The following CACNA2D4 variants were observed in gnomAD, a reference collection of about 807,000 sequenced individuals.
CACNA2D4 encodes voltage-dependent calcium channel subunit alpha-2/delta-4.
In CACNA2D4, 157 loss-of-function variants were observed where a neutral mutation model predicts 163.8. The observed-to-expected ratio is 0.96, with a 90% CI of 0.84 to 1.09. The LOEUF is 1.09. CACNA2D4 is among the 50% of genes least tolerant of loss of function. The probability of loss-of-function intolerance (pLI) is 0.00; values close to 1 mark genes in which losing one functional copy is unlikely to be tolerated. For missense variants in CACNA2D4, 1,410 were observed against 1,479.9 expected (o/e 0.95, Z 0.78); for synonymous variants, 598 against 586.9 (o/e 1.02, Z -0.27).
Position 1,828,181 on chromosome 12 carries a change from G to A in CACNA2D4, c.2551+12558C>T, listed in dbSNP as rs201807626. On this transcript the variant is annotated intron_variant, in intron 26 of 37. Coordinates refer to ENST00000382722, the MANE Select transcript of CACNA2D4 (RefSeq NM_172364.5). This position sits in a 1 kb window ranked among gnomAD's most constrained non-coding sequence, Gnocchi z 4.2. Reference sequence around the variant, plus strand: ...CGCCGGGCAGCAGCCCTGGGCAGAGGGGCAGGCTCGCCCTGCAGTGGAGGC... The same window carrying A: ...CGCCGGGCAGCAGCCCTGGGCAGAGAGGCAGGCTCGCCCTGCAGTGGAGGC... 163 of 1,547,288 alleles carry A rather than the reference G, an allele frequency of 1.1e-4. No individual in the cohort carries two copies. Among genetic ancestry groups the A allele is most frequent in the Middle Eastern group, 1.7e-4 (1 of 5,742 alleles).
intron 11 of CACNA2D4, 149 bp downstream of exon 11, chr12:1,884,619 C>T (rs1463440436): frequency 7.8e-6 from 5 of 644,430 alleles, no homozygotes; most frequent in Non-Finnish European, 1.4e-5. Flanking sequence ...AATTTTGGAA[C>T]ACTCAATTAA....
chr12:1,864,823 G>A (rs1865608026), intron 18 of CACNA2D4, among the ~76,000 whole-genome samples: 1 of 152,228 alleles, frequency 6.6e-6, no homozygotes, highest in South Asian at 2.1e-4. Flanking sequence ...ATGGCTGCCC[G>A]CAATGCTCGC....
At chr12:1,909,570 A>G (rs910828626) in intron 4 of CACNA2D4, among the ~76,000 whole-genome samples, 14 of 152,096 alleles carry the variant, frequency 9.2e-5, no homozygotes, top group Admixed American at 3.9e-4. Flanking sequence ...TAAATCCCCC[A>G]TGAGCCCTGG....
intron 29 of CACNA2D4, among the ~76,000 whole-genome samples, chr12:1,803,796 G>A (rs1181803787): frequency 6.6e-6 from 1 of 152,168 alleles, no homozygotes; most frequent in Non-Finnish European, 1.5e-5. Flanking sequence ...AAATGGACAC[G>A]AATCAAGAGC....
intron 26 of CACNA2D4, among the ~76,000 whole-genome samples, chr12:1,840,443 G>GC (rs921984126): frequency 2.0e-3 from 15 of 7,638 alleles, no homozygotes; most frequent in East Asian, 0.33. Flanking sequence ...ATGTGGAAGA[G>GC]GGGGGTGGGT....
chr12:1,826,009 C>T (rs1015230425), intron 26 of CACNA2D4, among the ~76,000 whole-genome samples: 2 of 152,182 alleles, frequency 1.3e-5, no homozygotes, highest in South Asian at 2.1e-4. Flanking sequence ...GGCAGGCCTG[C>T]GAGGGCCGTA....
chr12:1,872,306 G>T (rs1177533098), intron 18 of CACNA2D4, among the ~76,000 whole-genome samples: 1 of 152,166 alleles, frequency 6.6e-6, no homozygotes, highest in African/African-American at 2.4e-5. Context: ...ATACAAGTTT[G>T]GCCCCATAGG....
intron 6 of CACNA2D4, among the ~76,000 whole-genome samples, chr12:1,905,309 A>T (rs1330225966): frequency 1.3e-5 from 2 of 152,138 alleles, no homozygotes; most frequent in Non-Finnish European, 2.9e-5. Context: ...CAAGACCAGG[A>T]TGTCCACTTT....
chr12:1,915,370 G>A, intron 1 of CACNA2D4: 2 of 645,122 alleles, frequency 3.1e-6, no homozygotes, highest in African/African-American at 1.8e-5. Context: ...AGCTTCCAGG[G>A]CCTCTGGTTG....
rs959947105 is a variant in CACNA2D4, at chr12:1,806,752, G to T, written c.2721+3526C>A. Among the ~76,000 whole-genome samples the T allele has an allele frequency of 6.6e-6, 1 of 152,176 alleles. No homozygotes were observed. The highest frequency in any genetic ancestry group is 2.4e-5 in the African/African-American group (1 of 41,452). ...GACTGCCAGACCCCAACCCCAGAGT[G>T]CTTGAGTCCCTAGGTCTGGGGTGGG... On this transcript the variant is annotated intron_variant, in intron 29 of 37. Coordinates refer to ENST00000382722, the MANE Select transcript of CACNA2D4 (RefSeq NM_172364.5). The surrounding 1 kb of genome is among the most constrained non-coding windows in gnomAD (Gnocchi z 4.1).
At chr12:1,913,353 G>T (rs1199161836) in intron 2 of CACNA2D4, among the ~76,000 whole-genome samples, 1 of 152,170 alleles carries the variant, frequency 6.6e-6, no homozygotes, top group Non-Finnish European at 1.5e-5. Flanking sequence ...TGTTCCAGGT[G>T]CTCTAGACGC....
At position 1,833,867 on chromosome 12, in the gene CACNA2D4, AGT is replaced by A. The variant is rs1233725485; in HGVS notation, c.2551+6870_2551+6871del. 6.6e-6 allele frequency among the ~76,000 whole-genome samples: 1 copy of A among 152,050 alleles called. No individual in the cohort carries two copies. Among genetic ancestry groups the A allele is most frequent in the Admixed American group, 6.5e-5 (1 of 15,274 alleles). On this transcript the variant is annotated intron_variant, in intron 26 of 37. Transcript: ENST00000382722. The surrounding 1 kb of genome is among the most constrained non-coding windows in gnomAD (Gnocchi z 4.2). ...TGAGCAGGCAGATTCGGGGGCAGAG[AGT>A]GTGGCAGGGACGCTCAGCTCTCTAA...
At position 1,887,310 on chromosome 12, in the gene CACNA2D4, T is replaced by C. The variant is rs78207232; in HGVS notation, c.782-241A>G. Among the ~76,000 whole-genome samples the C allele has an allele frequency of 9.8e-3, 1,493 of 152,238 alleles. 18 individuals carry two copies. The highest frequency in any genetic ancestry group is 0.017 in the Non-Finnish European group (1,182 of 68,018). ...AATTTCACAGGTAGGACCACATAGG[T>C]GGTGCCTGGGACTCATTTGTGAGGC... On this transcript the variant is annotated intron_variant, in intron 6 of 37. Coordinates refer to ENST00000382722, the MANE Select transcript of CACNA2D4 (RefSeq NM_172364.5).
intron 20 of CACNA2D4, among the ~76,000 whole-genome samples, chr12:1,857,816 G>A (rs1454367493): frequency 6.6e-6 from 1 of 152,220 alleles, no homozygotes; most frequent in South Asian, 2.1e-4. Context: ...CCTGACCTGT[G>A]AATGTGACCT....
At chr12:1,801,694 G>A (rs1463062153) in intron 29 of CACNA2D4, 50 bp from the exon 30 acceptor site, 1 of 1,315,730 alleles carries the variant, frequency 7.6e-7, no homozygotes, top group Middle Eastern at 1.8e-4. Context: ...GATGGAGCAG[G>A]ATGGAGCCTT....
chr12:1,837,009 C>T (rs1182851430), intron 26 of CACNA2D4, among the ~76,000 whole-genome samples: 1 of 152,222 alleles, frequency 6.6e-6, no homozygotes, highest in East Asian at 1.9e-4. Context: ...CAGGATGGTA[C>T]ATCCACCCTG....
chr12:1,908,181 G>A (rs1866714540), intron 4 of CACNA2D4, 144 bp from the exon 5 acceptor site: 2 of 815,846 alleles, frequency 2.5e-6, no homozygotes, highest in Non-Finnish European at 1.9e-6. Flanking sequence ...GCGGCGGCGC[G>A]CTGGGCACTG....
intron 18 of CACNA2D4, among the ~76,000 whole-genome samples, chr12:1,861,135 T>G (rs1270123893): frequency 2.6e-5 from 4 of 152,218 alleles, no homozygotes; most frequent in African/African-American, 9.7e-5. Flanking sequence ...CTTTCTGACT[T>G]TCCTTCTTTG....
At chr12:1,908,264 T>C (rs1866716773) in intron 4 of CACNA2D4, among the ~76,000 whole-genome samples, 2 of 152,220 alleles carry the variant, frequency 1.3e-5, no homozygotes, top group Admixed American at 6.5e-5. Flanking sequence ...TTGATGACAG[T>C]TGTCCTGACC....
Sources: gnomAD v4.1 joint callset for allele counts (sites outside exome capture counted in the v4.1 genomes callset) on GRCh38, gnomAD v4.1.1 for gene constraint, Gnocchi (gnomAD v3.1) non-coding constraint, MANE v1.5 for transcripts, NCBI Gene and HGNC (gene_info 2026-07-23, HGNC 2026-07-21) for gene names.